Variants in ESCO2 observed in about 807,000 individuals in gnomAD.
ESCO2 encodes establishment of sister chromatid cohesion N-acetyltransferase 2, also known as N-acetyltransferase ESCO2.
A neutral mutation model predicts 61.7 loss-of-function variants in ESCO2; 51 were observed. The ratio of observed to expected loss-of-function variants is 0.83; its 90% confidence interval spans 0.66 to 1.04. ESCO2 has a LOEUF of 1.04. Among genes scored for constraint, ESCO2 ranks in the 50% least tolerant of loss-of-function variants. ESCO2 has a pLI of 0.00. For missense variants in ESCO2, 692 were observed against 686.2 expected, an observed-to-expected ratio of 1.01 and a Z score of -0.09; for synonymous variants, 230 against 238.2, an observed-to-expected ratio of 0.97 and a Z score of 0.32.
chr8:27,792,791 A>C lies in ESCO2; in HGVS notation c.1477A>C (p.Ile493Leu). The change falls in exon 9 of 11, where the codon ATT becomes CTT. Residue 493 changes from isoleucine to leucine, a missense_variant. Ile to Leu is a conservative substitution (Grantham distance 5, BLOSUM62 2). Transcript: ENST00000305188. ...SDEKRVVGCL[I>L]AEPIKQAFRV... Reference sequence around the variant, plus strand: ...TGAAAAGAGAGTAGTTGGGTGTTTAATTGCAGAACCCATCAAACAGGTATG... The same window carrying C: ...TGAAAAGAGAGTAGTTGGGTGTTTACTTGCAGAACCCATCAAACAGGTATG... The C allele has an allele frequency of 1.2e-6, 2 of 1,604,416 alleles. No individual in the cohort carries two copies. Among genetic ancestry groups the C allele is most frequent in the Non-Finnish European group, 1.7e-6 (2 of 1,177,012 alleles).
Position 27,804,328 on chromosome 8 carries a change from A to G in ESCO2, c.*890A>G, listed in dbSNP as rs1044120950. 3 of 985,332 alleles carry G rather than the reference A, an allele frequency of 3.0e-6. No homozygotes were observed. The Admixed American group carries it at 1.8e-4, about 61-fold the overall frequency. The allele number at this position is 985,332 out of a possible 1,614,324, so 61.0% of individuals were successfully genotyped here. A position where few individuals can be genotyped will look rare whatever the true frequency, so the allele number is the denominator to read the frequency against. On this transcript the variant is annotated 3_prime_UTR_variant, in exon 11 of 11. Transcript: ENST00000305188. ...ACTACTTTGGGAACCTGTTACTGAC[A>G]ATTGATGTCATTAACAAAATGCCTA...
At chr8:27,807,120 A>G (rs1805579578), downstream of ESCO2, among the ~76,000 whole-genome samples, 2 of 152,112 alleles carry the variant, frequency 1.3e-5, no homozygotes, top group African/African-American at 4.8e-5. Flanking sequence ...ACAATATTGC[A>G]TTTCTAAGAT....
intron 4 of ESCO2, among the ~76,000 whole-genome samples, chr8:27,782,870 C>T (rs969593061): frequency 3.9e-5 from 6 of 152,020 alleles, no homozygotes; most frequent in African/African-American, 9.7e-5. Context: ...CTCTTTTTCC[C>T]CCTACCTCCT....
At chr8:27,811,942 A>G (rs1484561096), downstream of ESCO2, 11 of 152,198 alleles carry the variant, frequency 7.2e-5, no homozygotes, top group African/African-American at 2.4e-4. Flanking sequence ...ATATACTGCT[A>G]ATACACAGAA....
At position 27,799,590 on chromosome 8, in the gene ESCO2, C is replaced by T. The variant is rs201095039; in HGVS notation, c.1547C>T (p.Thr516Met). The T allele has an allele frequency of 7.9e-5, 127 of 1,613,906 alleles. No individual in the cohort carries two copies. Among genetic ancestry groups the T allele is most frequent in the South Asian group, 1.1e-4 (10 of 91,062 alleles). ...ATTGGTCCAGAATCCCCAAGCTCTA[C>T]GGAATGTCCTAGGGCTTGGCAATGT... ...EPIGPESPSSTECPRAWQCSD... is the reference protein window; with the variant it reads ...EPIGPESPSSMECPRAWQCSD... The change falls in exon 10 of 11, where the codon ACG (threonine) becomes ATG (methionine). Residue 516 changes from threonine (T) to methionine (M), a missense_variant. Coordinates refer to ENST00000305188, the MANE Select transcript of ESCO2 (RefSeq NM_001017420.3).
At chr8:27,808,258 C>T, downstream of ESCO2, 1 of 1,218,996 alleles carries the variant, frequency 8.2e-7, no homozygotes, top group Non-Finnish European at 1.1e-6. Flanking sequence ...TCTCAAGTAG[C>T]TGCTGATTAT....
chr8:27,791,276 A>C (rs1805169268), intron 7 of ESCO2, among the ~76,000 whole-genome samples: 1 of 152,130 alleles, frequency 6.6e-6, no homozygotes, highest in Admixed American at 6.5e-5. Context: ...ATTTATTTCT[A>C]ATATTTCAAC....
intron 9 of ESCO2, among the ~76,000 whole-genome samples, 153 bp downstream of exon 9, chr8:27,792,964 C>T (rs1448668220): frequency 6.6e-6 from 1 of 152,116 alleles, no homozygotes; most frequent in Non-Finnish European, 1.5e-5. Context: ...TATTTATTTC[C>T]ATTAATATTT....
chr8:27,796,518 T>A (rs1805300676), intron 9 of ESCO2, among the ~76,000 whole-genome samples: 1 of 152,190 alleles, frequency 6.6e-6, no homozygotes, highest in Non-Finnish European at 1.5e-5. Flanking sequence ...AGATCTTTCT[T>A]CTTTTTTTAT....
chr8:27,800,261 C>T (rs181405333), intron 10 of ESCO2, among the ~76,000 whole-genome samples: 1 of 152,078 alleles, frequency 6.6e-6, no homozygotes, highest in East Asian at 1.9e-4. Context: ...GGTCTAATAC[C>T]CATAAAATAA....
In ESCO2 at chr8:27,803,951, G is replaced by A; in HGVS notation, c.*513G>A. The A allele has an allele frequency of 1.8e-5, 18 of 987,870 alleles. No individual in the cohort carries two copies. Among genetic ancestry groups the A allele is most frequent in the Non-Finnish European group, 2.0e-5 (17 of 832,104 alleles). The allele number at this position is 987,870 out of a possible 1,614,324, so 61.2% of individuals were successfully genotyped here. A position where few individuals can be genotyped will look rare whatever the true frequency, so the allele number is the denominator to read the frequency against. ...GGCATGGGTCTCACTGTGTTGCCCA[G>A]GCTGGTCTGAAACTTTTGGGCTCAA... On this transcript the variant is annotated 3_prime_UTR_variant, in exon 11 of 11. Transcript: ENST00000305188.
In ESCO2 at chr8:27,804,619, C is replaced by T. The variant is rs1805522350; in HGVS notation, c.*1181C>T. The T allele has an allele frequency of 5.1e-6, 5 of 985,382 alleles. No individual in the cohort carries two copies. The highest frequency in any genetic ancestry group is 6.0e-6 in the Non-Finnish European group (5 of 829,904). 61.0% of individuals were successfully genotyped at this position (985,382 alleles called of 1,614,324 possible). ...TTCTGAAAAATCATTCAACTGCTAA[C>T]TGGCAATAAGACTCTAGGCAAGTCG... is the stretch of plus-strand genomic sequence containing the variant. On this transcript the variant is annotated 3_prime_UTR_variant, in exon 11 of 11. Coordinates refer to ENST00000305188, the MANE Select transcript of ESCO2 (RefSeq NM_001017420.3).
At chr8:27,789,208 G>T (rs750771112) in intron 7 of ESCO2, among the ~76,000 whole-genome samples, 6 of 152,098 alleles carry the variant, frequency 3.9e-5, no homozygotes, top group Admixed American at 3.9e-4. Context: ...TCCCACTATA[G>T]TGTTGTCTTT....
chr8:27,779,926 A>G, intron 3 of ESCO2: 2 of 403,214 alleles, frequency 5.0e-6, no homozygotes, highest in South Asian at 4.9e-5. Flanking sequence ...CGGCCTCCCA[A>G]AGTGCTGGCA....
chr8:27,814,120 G>T (rs1329861569), downstream of ESCO2, among the ~76,000 whole-genome samples: 1 of 152,128 alleles, frequency 6.6e-6, no homozygotes, highest in East Asian at 1.9e-4. Context: ...GAAAAAGTTT[G>T]TGTAAAATCC....
downstream of ESCO2, chr8:27,811,481 T>C (rs1055438144): frequency 2.0e-5 from 8 of 405,628 alleles, no homozygotes; most frequent in South Asian, 1.3e-4. Context: ...CTTGAGCAGA[T>C]CACTTCTAGA....
chr8:27,780,868 T>A (rs1804910504), intron 4 of ESCO2, among the ~76,000 whole-genome samples: 1 of 152,198 alleles, frequency 6.6e-6, no homozygotes, highest in Admixed American at 6.5e-5. Context: ...CTTTTTTTTA[T>A]GATTCTGAGA....
intron 4 of ESCO2, among the ~76,000 whole-genome samples, chr8:27,782,568 A>G (rs1390538041): frequency 2.6e-5 from 4 of 152,070 alleles, no homozygotes; most frequent in Non-Finnish European, 5.9e-5. Flanking sequence ...GATGAATCTT[A>G]TCTAATTCAG....
downstream of ESCO2, chr8:27,811,284 G>A (rs1430069697): frequency 1.5e-6 from 1 of 662,444 alleles, no homozygotes; most frequent in African/African-American, 1.8e-5. Context: ...ACCTCAATAA[G>A]GATTACTTTC....
Sources: gnomAD v4.1 joint callset for allele counts (sites outside exome capture counted in the v4.1 genomes callset) on GRCh38, gnomAD v4.1.1 for gene constraint, MANE v1.5 for transcripts, NCBI Gene and HGNC (gene_info 2026-07-23, HGNC 2026-07-21) for gene names.